GPHN: variants seen among roughly 807,000 people sequenced by gnomAD.
GPHN encodes the protein gephyrin.
Under a neutral mutation model 95.5 loss-of-function variants are expected in GPHN, and 17 were observed. The ratio of observed to expected loss-of-function variants is 0.18; its 90% CI spans 0.12 to 0.27. The LOEUF is 0.27. GPHN is among the 10% of genes least tolerant of loss of function. The pLI, the probability that GPHN is intolerant of heterozygous loss-of-function variation, is 1.00. For synonymous variants in GPHN, 320 were observed against 322.5 expected (o/e 0.99, Z 0.08); for missense variants, 660 against 978.1 (o/e 0.67, Z 4.34).
intron 4 of GPHN, among the ~76,000 whole-genome samples, chr14:66,873,160 C>T (rs1329723940): frequency 1.3e-5 from 2 of 152,116 alleles, no homozygotes; most frequent in Non-Finnish European, 2.9e-5. Context: ...TTGCCTCACA[C>T]AGGAAGCACT....
the GPHN span, chr14:67,729,778 G>C: frequency 4.0e-6 from 2 of 501,924 alleles, no homozygotes; most frequent in Middle Eastern, 3.2e-4. Context: ...CTCTCTCTTC[G>C]GTGTGAACTC....
At chr14:67,408,723 G>A in the GPHN span, among the ~76,000 whole-genome samples, 1 of 152,194 alleles carries the variant, frequency 6.6e-6, no homozygotes, top group Non-Finnish European at 1.5e-5. Flanking sequence ...AGGCAGCACG[G>A]CCCTGGCAAC....
chr14:66,589,509 G>GA (rs1301045072), intron 1 of GPHN, among the ~76,000 whole-genome samples: 6 of 150,306 alleles, frequency 4.0e-5, no homozygotes, highest in Admixed American at 4.0e-4. Context: ...CCTAGTCTCT[G>GA]AAAAAACAGA....
intron 10 of GPHN, among the ~76,000 whole-genome samples, chr14:67,038,544 C>T (rs1243948109): frequency 6.6e-5 from 10 of 152,102 alleles, no homozygotes; most frequent in Non-Finnish European, 1.5e-5. Context: ...TATTGTCCTT[C>T]AGTGTCTCTT....
chr14:66,620,008 C>G (rs1309041550), intron 1 of GPHN, among the ~76,000 whole-genome samples: 1 of 152,028 alleles, frequency 6.6e-6, no homozygotes, highest in Non-Finnish European at 1.5e-5. Flanking sequence ...GTGTTTTTGT[C>G]TAAGTGTTGG....
intron 15 of GPHN, 101 bp downstream of exon 15, chr14:67,112,020 G>A: frequency 1.1e-6 from 1 of 909,122 alleles, no homozygotes; most frequent in Non-Finnish European, 1.8e-6. Context: ...ATGTCAGTTA[G>A]CCATTAATTT....
chr14:67,575,678 G>A, the GPHN span: 1 of 725,274 alleles, frequency 1.4e-6, no homozygotes, highest in Admixed American at 2.3e-5. Context: ...TGCCAGCCTG[G>A]CTGGGATGCT....
At chr14:67,412,680 C>G in the GPHN span, among the ~76,000 whole-genome samples, 2 of 152,132 alleles carry the variant, frequency 1.3e-5, no homozygotes, top group Admixed American at 1.3e-4. Context: ...AAAATTCCAT[C>G]ATTAAGGACA....
chr14:66,646,655 C>T (rs936557415), intron 1 of GPHN, among the ~76,000 whole-genome samples: 2 of 152,024 alleles, frequency 1.3e-5, no homozygotes, highest in Admixed American at 1.3e-4. Flanking sequence ...TATAATTCCA[C>T]TTACATGAGA....
chr14:67,567,070 T>C, the GPHN span, among the ~76,000 whole-genome samples: 4 of 152,120 alleles, frequency 2.6e-5, no homozygotes, highest in Non-Finnish European at 5.9e-5. Flanking sequence ...CAATCCCCTT[T>C]GTAACTTGCT....
At chr14:67,332,327 A>G in the GPHN span, among the ~76,000 whole-genome samples, 1 of 152,212 alleles carries the variant, frequency 6.6e-6, no homozygotes, top group African/African-American at 2.4e-5. Context: ...TGCAGCAGAT[A>G]GTATAGGGCA....
At chr14:67,592,502 C>G in the GPHN span, 4 of 602,652 alleles carry the variant, frequency 6.6e-6, no homozygotes, top group Non-Finnish European at 1.2e-5. Flanking sequence ...AGGAACTTCT[C>G]AAATAACTGA....
chr14:66,549,917 A>G (rs2059751579), intron 1 of GPHN, among the ~76,000 whole-genome samples: 1 of 152,204 alleles, frequency 6.6e-6, no homozygotes, highest in Non-Finnish European at 1.5e-5. Context: ...TGGTTTACTA[A>G]ATATTTTAAG....
At chr14:67,347,500 CTCTT>C in the GPHN span, 16 of 1,300,770 alleles carry the variant, frequency 1.2e-5, no homozygotes, top group South Asian at 2.8e-5. Flanking sequence ...TTTAAGTTCT[CTCTT>C]TTTTTTTTTT....
chr14:67,063,245 T>C (rs1456376928), intron 11 of GPHN, among the ~76,000 whole-genome samples: 1 of 152,212 alleles, frequency 6.6e-6, no homozygotes, highest in Admixed American at 6.5e-5. Flanking sequence ...TGGTTGTAGA[T>C]GGGTGGTGTT....
intron 2 of GPHN, among the ~76,000 whole-genome samples, chr14:66,720,608 C>T (rs2070648491): frequency 6.6e-6 from 1 of 152,122 alleles, no homozygotes; most frequent in Admixed American, 6.6e-5. Flanking sequence ...TAAAGCTGAC[C>T]ATCATATCTA....
intron 1 of GPHN, among the ~76,000 whole-genome samples, chr14:66,533,176 A>G (rs1368680455): frequency 6.6e-6 from 1 of 152,230 alleles, no homozygotes; most frequent in Non-Finnish European, 1.5e-5. Context: ...GCCTATGGCT[A>G]TTTCATTGTT....
chr14:67,647,081 CCT>C, the GPHN span: 511 of 1,111,548 alleles, frequency 4.6e-4, 2 homozygotes, highest in African/African-American at 7.3e-3. Flanking sequence ...ACACTTTTAG[CCT>C]GTTTCTTGAG....
the GPHN span, chr14:67,648,844 T>A: frequency 1.3e-5 from 2 of 152,166 alleles, no homozygotes; most frequent in Non-Finnish European, 2.9e-5. Flanking sequence ...ATTCCAAAAT[T>A]TAAAGAACTA....
Sources: allele counts gnomAD v4.1 joint callset (sites outside exome capture counted in the v4.1 genomes callset), GRCh38; gene constraint gnomAD v4.1.1; transcripts MANE v1.5; gene names NCBI Gene and HGNC (gene_info 2026-07-23, HGNC 2026-07-21).